Variants in COL9A1 observed in about 807,000 individuals in gnomAD.
COL9A1 encodes the protein collagen type IX alpha 1 chain, also known as collagen alpha-1(IX) chain.
COL9A1 carries 104 observed loss-of-function variants against 142.6 expected under a neutral mutation model. The observed-to-expected ratio is 0.73, with a 90% CI of 0.62 to 0.86. The LOEUF (loss-of-function observed/expected upper bound fraction) is 0.86, where lower values mean the gene tolerates loss of function less well. Ranked by LOEUF, COL9A1 falls within the 40% of genes least tolerant of loss-of-function variation. COL9A1 has a pLI of 0.00. For synonymous variants in COL9A1, 466 were observed against 396.0 expected (o/e 1.18, Z -2.10); for missense variants, 1,210 against 1,176.6 (o/e 1.03, Z -0.42).
intron 17 of COL9A1, among the ~76,000 whole-genome samples, chr6:70,267,330 T>TTTTTTTTTG (rs1374935799): frequency 6.9e-6 from 1 of 145,782 alleles, no homozygotes; most frequent in African/African-American, 2.5e-5. Context: ...TTTTTTTGTT[T>TTTTTTTTTG]TTTTTTTTTG....
chr6:70,280,452 G>C, intron 10 of COL9A1: 1 of 1,228,206 alleles, frequency 8.1e-7, no homozygotes, highest in East Asian at 4.0e-5. Context: ...CTCACAGCAG[G>C]TAAGCCGAAG....
At position 70,294,478 on chromosome 6, in the gene COL9A1, T is replaced by A; in HGVS notation, c.385A>T (p.Asn129Tyr). 1 of 1,614,138 alleles carries A rather than the reference T, an allele frequency of 6.2e-7. No individual in the cohort carries two copies. The highest frequency in any genetic ancestry group is 8.5e-7 in the Non-Finnish European group (1 of 1,179,982). ...MTGSTLKKNW[N>Y]IWQIQDSSGK... is the part of the protein sequence containing the mutation. The stretch of plus-strand genomic sequence containing the variant: ...GAGGAATCCTGAATCTGCCAAATGT[T>A]CCAGTTCTTTTTGAGAGTGCTTCCA... Residue 129 changes from asparagine to tyrosine, a missense_variant, in exon 5 of 38, where the codon AAC (asparagine) becomes TAC (tyrosine). By Grantham distance (143) the Asn-to-Tyr change is moderately radical. Coordinates refer to ENST00000357250, the MANE Select transcript of COL9A1 (RefSeq NM_001851.6).
At chr6:70,290,470 AC>A (rs1296268570) in intron 5 of COL9A1, among the ~76,000 whole-genome samples, 1 of 152,148 alleles carries the variant, frequency 6.6e-6, no homozygotes, top group Non-Finnish European at 1.5e-5. Flanking sequence ...CCACTAAGTA[AC>A]CATGAATGAT....
intron 33 of COL9A1, among the ~76,000 whole-genome samples, chr6:70,238,534 C>T (rs79501288): frequency 0.025 from 3,825 of 152,262 alleles, 159 homozygotes; most frequent in African/African-American, 0.087. Context: ...AACTAGAACA[C>T]ATCAGAGATT....
chr6:70,283,746 G>C lies in COL9A1; in HGVS notation c.771C>G (p.Ala257=), dbSNP rs1191669948. The change falls in exon 6 of 38, where the codon GCC becomes GCG. Residue 257 remains alanine, a synonymous_variant. Transcript: ENST00000357250. ...TAGTCAGGGGACTCACCGTTATTCT[G>C]GCTGGCAGCTCATGGCAAGTTTCTC... The part of the protein sequence containing the change: ...PRRETCHELP[A]RITPSQTTDE... 6.2e-7 allele frequency: 1 copy of C among 1,611,118 alleles called. No individual in the cohort carries two copies. The highest frequency in any genetic ancestry group is 8.5e-7 in the Non-Finnish European group (1 of 1,178,778).
In COL9A1 at chr6:70,302,148, T is replaced by C. The variant is rs1774089751; in HGVS notation, c.15-74A>G. 4.5e-6 allele frequency: 4 copies of C among 888,360 alleles called. No individual in the cohort carries two copies. In the South Asian group the frequency reaches 5.6e-5, roughly 12 times the overall value. The allele number at this position is 888,360 out of a possible 1,614,324, so 55.0% of individuals were successfully genotyped here. The stretch of plus-strand genomic sequence containing the variant: ...GAAAACACTTCCATATTTTCAAACC[T>C]AGTAAACCTAATTAATGTAAGGTGA... On this transcript the variant is annotated intron_variant, in intron 1 of 37. Coordinates refer to ENST00000357250, the MANE Select transcript of COL9A1 (RefSeq NM_001851.6).
intron 37 of COL9A1, among the ~76,000 whole-genome samples, chr6:70,219,501 TTGCTGATCC>T (rs2127546544): frequency 6.6e-6 from 1 of 152,350 alleles, no homozygotes; most frequent in South Asian, 2.1e-4. Flanking sequence ...CAAATAAAGT[TTGCTGATCC>T]CTGATGTTAT....
chr6:70,282,830 G>T (rs1388706032), intron 7 of COL9A1, 68 bp downstream of exon 7: 6 of 1,611,390 alleles, frequency 3.7e-6, no homozygotes, highest in Non-Finnish European at 5.1e-6. Flanking sequence ...CAGCTCCCTC[G>T]ACCGCTGCGC....
chr6:70,266,677 C>T, intron 18 of COL9A1, 40 bp downstream of exon 18: 1 of 1,480,486 alleles, frequency 6.8e-7, no homozygotes, highest in African/African-American at 1.4e-5. Flanking sequence ...ACCAATAACT[C>T]CTAATCACAA....
At chr6:70,227,355 G>A (rs116645723) in intron 36 of COL9A1, among the ~76,000 whole-genome samples, 148 of 122,272 alleles carry the variant, frequency 1.2e-3, no homozygotes, top group African/African-American at 4.5e-3. Context: ...CTAAAAGGAA[G>A]TAAAAATGGC....
At chr6:70,269,582 T>C (rs1390652014) in intron 16 of COL9A1, 51 bp downstream of exon 16, 3 of 1,205,656 alleles carry the variant, frequency 2.5e-6, no homozygotes, top group Non-Finnish European at 3.7e-6. Context: ...ATCTGCAGGC[T>C]ATATGGTCTT....
At position 70,252,113 on chromosome 6, in the gene COL9A1, T is replaced by C; in HGVS notation, c.1872+7A>G. ...TGCTTTAGGAAAGAACAGCAAGGAATACTCACAGGAAGCCCCTGGGGTCCT... is the reference window on the plus strand; with the variant it reads ...TGCTTTAGGAAAGAACAGCAAGGAACACTCACAGGAAGCCCCTGGGGTCCT... On this transcript the variant is annotated splice_region_variant and intron_variant, in intron 28 of 37. Transcript: ENST00000357250. 6.2e-7 allele frequency: 1 copy of C among 1,613,924 alleles called. No homozygotes were observed. Among genetic ancestry groups the C allele is most frequent in the Non-Finnish European group, 8.5e-7 (1 of 1,179,850 alleles).
chr6:70,225,339 G>A (rs1769161795), intron 37 of COL9A1, among the ~76,000 whole-genome samples: 1 of 152,184 alleles, frequency 6.6e-6, no homozygotes, highest in Non-Finnish European at 1.5e-5. Context: ...AAGGCCCAGT[G>A]AGAGAATCTG....
At chr6:70,268,089 T>C (rs536266333) in intron 17 of COL9A1, among the ~76,000 whole-genome samples, 1 of 152,210 alleles carries the variant, frequency 6.6e-6, no homozygotes, top group Non-Finnish European at 1.5e-5. Context: ...AAAAATACTT[T>C]GGGAAAGTCT....
At chr6:70,282,376 G>C (rs1428816808) in intron 7 of COL9A1, among the ~76,000 whole-genome samples, 1 of 152,228 alleles carries the variant, frequency 6.6e-6, no homozygotes, top group Non-Finnish European at 1.5e-5. Flanking sequence ...GAGGCGGGAG[G>C]CGCTGGAGCC....
In COL9A1 at chr6:70,260,154, A is replaced by C. The variant is rs1432440146; in HGVS notation, c.1449+503T>G. 2.0e-5 allele frequency among the ~76,000 whole-genome samples: 3 copies of C among 152,202 alleles called. No individual in the cohort carries two copies. The East Asian group carries it at 5.8e-4, about 29-fold the overall frequency. ...AATATAATTTAAAATAAATTAAGAC[A>C]TGGCAAATATCATGCATACTGCTCA... On this transcript the variant is annotated intron_variant, in intron 20 of 37. Coordinates refer to ENST00000357250, the MANE Select transcript of COL9A1 (RefSeq NM_001851.6).
intron 14 of COL9A1, among the ~76,000 whole-genome samples, chr6:70,270,936 T>G (rs1005313746): frequency 1.3e-5 from 2 of 152,226 alleles, no homozygotes; most frequent in Non-Finnish European, 2.9e-5. Flanking sequence ...CCAATTACTC[T>G]TAACATCCAA....
At chr6:70,268,971 T>C (rs906662235) in intron 16 of COL9A1, 111 bp from the exon 17 acceptor site, 16 of 815,218 alleles carry the variant, frequency 2.0e-5, no homozygotes, top group African/African-American at 5.0e-5. Flanking sequence ...CAGAACTCCA[T>C]TGCAATAATA....
intron 28 of COL9A1, among the ~76,000 whole-genome samples, chr6:70,248,906 G>A (rs1770758576): frequency 6.6e-6 from 1 of 152,098 alleles, no homozygotes; most frequent in Non-Finnish European, 1.5e-5. Flanking sequence ...GGGGGACAGG[G>A]CATAATTGAA....
Sources: gnomAD v4.1 joint callset for allele counts (sites outside exome capture counted in the v4.1 genomes callset) on GRCh38, gnomAD v4.1.1 for gene constraint, MANE v1.5 for transcripts, NCBI Gene and HGNC (gene_info 2026-07-23, HGNC 2026-07-21) for gene names.